Variants in TMEM132D observed in about 807,000 individuals in gnomAD.
TMEM132D encodes the protein transmembrane protein 132D.
In TMEM132D, 21 loss-of-function variants were observed where a neutral mutation model predicts 62.3. The observed-to-expected ratio is 0.34, with a 90% CI of 0.24 to 0.49. The LOEUF (loss-of-function observed/expected upper bound fraction) is 0.49. TMEM132D is among the 20% of genes least tolerant of loss of function. The pLI is 0.99. For synonymous variants in TMEM132D, 621 were observed against 575.6 expected (o/e 1.08, Z -1.13); for missense variants, 1,346 against 1,402.8 (o/e 0.96, Z 0.65).
At chr12:129,284,553 C>T (rs1881239999) in intron 4 of TMEM132D, among the ~76,000 whole-genome samples, 1 of 152,202 alleles carries the variant, frequency 6.6e-6, no homozygotes, top group Non-Finnish European at 1.5e-5. Context: ...CCCCACAATT[C>T]CATGACAAGG....
chr12:129,083,712 C>T (rs1874524581), intron 6 of TMEM132D, among the ~76,000 whole-genome samples: 1 of 152,212 alleles, frequency 6.6e-6, no homozygotes, highest in South Asian at 2.1e-4. Context: ...AGGAATATTT[C>T]CTTGTCTCAT....
intron 4 of TMEM132D, among the ~76,000 whole-genome samples, chr12:129,298,855 C>T (rs888756857): frequency 1.3e-5 from 2 of 152,068 alleles, no homozygotes; most frequent in Non-Finnish European, 1.5e-5. Context: ...AAGATGGCCC[C>T]GTCAAAGGCT....
chr12:129,169,438 A>T (rs1203525798), intron 5 of TMEM132D, among the ~76,000 whole-genome samples: 1 of 152,226 alleles, frequency 6.6e-6, no homozygotes, highest in Non-Finnish European at 1.5e-5. Context: ...CTGGGAAGCC[A>T]GCCTGGCTCC....
chr12:129,510,114 A>G (rs968714654), intron 3 of TMEM132D, among the ~76,000 whole-genome samples: 4 of 152,138 alleles, frequency 2.6e-5, no homozygotes, highest in African/African-American at 7.2e-5. Context: ...ACTTTTCTGC[A>G]TGTCCTCACT....
intron 3 of TMEM132D, among the ~76,000 whole-genome samples, chr12:129,385,631 A>G (rs370930658): frequency 2.0e-5 from 3 of 152,196 alleles, no homozygotes; most frequent in African/African-American, 7.2e-5. Flanking sequence ...AGTTGAAAAC[A>G]CATATCAGAT....
intron 2 of TMEM132D, among the ~76,000 whole-genome samples, chr12:129,566,438 AG>A (rs75638470): frequency 4.6e-5 from 7 of 151,990 alleles, no homozygotes; most frequent in Non-Finnish European, 1.5e-5. Flanking sequence ...TTATAAAAAG[AG>A]GGGGGTCAGA....
At chr12:129,320,196 C>A (rs1868644520) in intron 4 of TMEM132D, among the ~76,000 whole-genome samples, 1 of 152,144 alleles carries the variant, frequency 6.6e-6, no homozygotes, top group South Asian at 2.1e-4. Context: ...TTTGTCAATC[C>A]ATACCTGGAA....
At chr12:129,511,118 C>T (rs1311560456) in intron 3 of TMEM132D, among the ~76,000 whole-genome samples, 2 of 152,166 alleles carry the variant, frequency 1.3e-5, no homozygotes, top group African/African-American at 2.4e-5. Context: ...CATGTAAATA[C>T]ATCATAATAG....
intron 4 of TMEM132D, among the ~76,000 whole-genome samples, chr12:129,254,721 AGGCACACTTCTTT>A (rs1356790051): frequency 6.6e-6 from 1 of 152,166 alleles, no homozygotes; most frequent in Non-Finnish European, 1.5e-5. Flanking sequence ...GGCACCGCCA[AGGCACACTTCTTT>A]GTTCCTCCTT....
intron 3 of TMEM132D, among the ~76,000 whole-genome samples, chr12:129,392,788 C>A (rs1325012299): frequency 6.6e-6 from 1 of 152,206 alleles, no homozygotes; most frequent in Non-Finnish European, 1.5e-5. Context: ...CATTTGTAAA[C>A]ATCTGCACTA....
At chr12:129,514,244 CGCT>C (rs1316377177) in intron 3 of TMEM132D, among the ~76,000 whole-genome samples, 21 of 152,146 alleles carry the variant, frequency 1.4e-4, no homozygotes, top group African/African-American at 4.8e-4. Context: ...ATAATTCTAT[CGCT>C]GCCACCACCA....
At chr12:129,152,115 T>A (rs1877092281) in intron 5 of TMEM132D, among the ~76,000 whole-genome samples, 1 of 152,088 alleles carries the variant, frequency 6.6e-6, no homozygotes, top group African/African-American at 2.4e-5. Flanking sequence ...GACCTCATGA[T>A]CTGATCTACC....
At chr12:129,289,567 A>G (rs1283800237) in intron 4 of TMEM132D, among the ~76,000 whole-genome samples, 9 of 125,672 alleles carry the variant, frequency 7.2e-5, no homozygotes, top group African/African-American at 2.6e-4. Context: ...AAAAAAAAGA[A>G]AAAAAAGAAA....
At chr12:129,499,131 G>A (rs1336838773) in intron 3 of TMEM132D, among the ~76,000 whole-genome samples, 1 of 152,150 alleles carries the variant, frequency 6.6e-6, no homozygotes, top group African/African-American at 2.4e-5. Context: ...TTATTGCTCT[G>A]TGAACCTTAT....
chr12:129,499,609 G>A (rs1875065263), intron 3 of TMEM132D, among the ~76,000 whole-genome samples: 2 of 152,130 alleles, frequency 1.3e-5, no homozygotes, highest in Non-Finnish European at 2.9e-5. Flanking sequence ...CCGTCCTAGG[G>A]CCCCAGTAAT....
intron 4 of TMEM132D, among the ~76,000 whole-genome samples, chr12:129,271,631 A>C (rs921129823): frequency 6.6e-6 from 1 of 150,824 alleles, no homozygotes; most frequent in African/African-American, 2.5e-5. Context: ...TCATTGTTCA[A>C]CTCCTACTTA....
chr12:129,094,820 G>A (rs1369567533), intron 5 of TMEM132D, among the ~76,000 whole-genome samples: 1 of 152,042 alleles, frequency 6.6e-6, no homozygotes, highest in Non-Finnish European at 1.5e-5. Flanking sequence ...AAGAAAATGT[G>A]GCACATATAC....
chr12:129,220,891 G>GA (rs11385517), intron 4 of TMEM132D, among the ~76,000 whole-genome samples: 45,342 of 138,812 alleles, frequency 0.33, 7,267 homozygotes, highest in African/African-American at 0.37. Flanking sequence ...ATTTAAAAAT[G>GA]AAAAAAAAAA....
At chr12:129,806,952 C>A (rs997554754) in intron 1 of TMEM132D, among the ~76,000 whole-genome samples, 1 of 152,080 alleles carries the variant, frequency 6.6e-6, no homozygotes, top group Non-Finnish European at 1.5e-5. Flanking sequence ...GAGGATCATT[C>A]AAGCCTGGGA....
Sources: allele counts gnomAD v4.1 joint callset (sites outside exome capture counted in the v4.1 genomes callset), GRCh38; gene constraint gnomAD v4.1.1; transcripts MANE v1.5; gene names NCBI Gene and HGNC (gene_info 2026-07-23, HGNC 2026-07-21).